The following EPM2A variants were observed in gnomAD, a reference collection of about 807,000 sequenced individuals.
The protein encoded by EPM2A is laforin.
In EPM2A, 21 loss-of-function variants were observed where a neutral mutation model predicts 26.5. The ratio of observed to expected loss-of-function variants is 0.79; its 90% CI spans 0.56 to 1.14. The LOEUF (loss-of-function observed/expected upper bound fraction) is 1.14. EPM2A is among the 50% of genes most tolerant of loss of function. The pLI, the probability that EPM2A is intolerant of heterozygous loss-of-function variation, is 0.00. For missense variants in EPM2A, 458 were observed against 440.8 expected (o/e 1.04, Z -0.35); for synonymous variants, 217 against 177.6 (o/e 1.22, Z -1.76).
At chr6:145,601,410 T>C (rs1461362946) in intron 2 of EPM2A, among the ~76,000 whole-genome samples, 1 of 152,140 alleles carries the variant, frequency 6.6e-6, no homozygotes, top group Non-Finnish European at 1.5e-5. Flanking sequence ...GTGGTGGTAG[T>C]AGTACAGCAG....
At chr6:145,567,323 A>G (rs765778767) in intron 2 of EPM2A, among the ~76,000 whole-genome samples, 1 of 152,290 alleles carries the variant, frequency 6.6e-6, no homozygotes, top group Non-Finnish European at 1.5e-5. Flanking sequence ...TATTTTTTAT[A>G]CTGTCTTAGC....
chr6:145,570,553 A>G (rs1467839345), intron 2 of EPM2A, among the ~76,000 whole-genome samples: 1 of 152,234 alleles, frequency 6.6e-6, no homozygotes, highest in African/African-American at 2.4e-5. Context: ...GGAAATACTC[A>G]TGACAGTTAC....
intron 2 of EPM2A, among the ~76,000 whole-genome samples, chr6:145,673,991 G>C (rs1309580731): frequency 6.6e-6 from 1 of 152,198 alleles, no homozygotes; most frequent in Non-Finnish European, 1.5e-5. Context: ...CTCCTCAAGT[G>C]GGTCCCCAAC....
chr6:145,658,555 T>C (rs1778456689), intron 2 of EPM2A, among the ~76,000 whole-genome samples: 1 of 152,214 alleles, frequency 6.6e-6, no homozygotes, highest in Non-Finnish European at 1.5e-5. Context: ...TATTCTGTAA[T>C]AGCATAGTTC....
At chr6:145,713,971 C>A (rs887324537) in intron 1 of EPM2A, among the ~76,000 whole-genome samples, 1 of 152,106 alleles carries the variant, frequency 6.6e-6, no homozygotes, top group Non-Finnish European at 1.5e-5. Flanking sequence ...GTGAAAGCAG[C>A]CAGTTACAAA....
intron 1 of EPM2A, chr6:145,705,770 A>G (rs1044854746): frequency 2.4e-6 from 1 of 423,530 alleles, no homozygotes; most frequent in Admixed American, 2.6e-5. Context: ...CTCATATTTT[A>G]CTGGCCAAAG....
intron 2 of EPM2A, among the ~76,000 whole-genome samples, chr6:145,615,800 C>T (rs1053777525): frequency 2.9e-4 from 44 of 151,894 alleles, no homozygotes; most frequent in African/African-American, 8.7e-4. Context: ...TGCCCCTCCC[C>T]GAGAGATTTA....
intron 2 of EPM2A, chr6:145,635,836 T>G (rs1315124145): frequency 4.9e-6 from 1 of 203,164 alleles, no homozygotes; most frequent in South Asian, 9.4e-5. Flanking sequence ...GCTAACAAAT[T>G]AGAGGTGAAA....
intron 4 of EPM2A, among the ~76,000 whole-genome samples, chr6:145,470,496 A>G (rs913054411): frequency 2.0e-5 from 3 of 152,138 alleles, no homozygotes; most frequent in Non-Finnish European, 4.4e-5. Flanking sequence ...TTAATATTCC[A>G]TTTAAAATTG....
At chr6:145,387,828 G>A (rs1778283429) in intron 4 of EPM2A, among the ~76,000 whole-genome samples, 2 of 151,972 alleles carry the variant, frequency 1.3e-5, no homozygotes, top group South Asian at 4.2e-4. Context: ...TGTGTTCCTG[G>A]AACCAAGTGC....
rs561146837 is a variant in EPM2A, at chr6:145,524,244, A to G, written c.341-21669T>C. 1.9e-4 allele frequency among the ~76,000 whole-genome samples: 29 copies of G among 152,298 alleles called. 2 individuals are homozygous for G. The South Asian group carries it at 5.8e-3, about 30-fold the overall frequency. Reference sequence around the variant, plus strand: ...TATAGTGGATAGTGCTGCAATGAACATATGAGTGTATGTGTCTTTTGGTAG... The same window carrying G: ...TATAGTGGATAGTGCTGCAATGAACGTATGAGTGTATGTGTCTTTTGGTAG... On this transcript the variant is annotated intron_variant, in intron 2 of 3. Coordinates refer to the EPM2A transcript ENST00000450221.
intron 4 of EPM2A, among the ~76,000 whole-genome samples, chr6:145,392,772 C>A (rs1372377337): frequency 6.6e-6 from 1 of 152,028 alleles, no homozygotes; most frequent in African/African-American, 2.4e-5. Context: ...CAGATGTTAG[C>A]GGGACTATTT....
At position 145,564,722 on chromosome 6, in the gene EPM2A, A is replaced by G. The variant is rs1780854843; in HGVS notation, c.341-62147T>C. 2.9e-5 allele frequency among the ~76,000 whole-genome samples: 4 copies of G among 139,092 alleles called. No homozygotes were observed. In the South Asian group the frequency reaches 9.9e-4, roughly 34 times the overall value. 91.2% of individuals were successfully genotyped at this position (139,092 alleles called of 152,430 possible). ...GCCTTCTGCTTATTTAATTTAACTCACATGCAGATATGTATGAGTACACAC... is the reference window on the plus strand; with the variant it reads ...GCCTTCTGCTTATTTAATTTAACTCGCATGCAGATATGTATGAGTACACAC... On this transcript the variant is annotated intron_variant, in intron 2 of 3. Coordinates refer to the EPM2A transcript ENST00000450221.
At chr6:145,671,256 T>C (rs565508826) in intron 2 of EPM2A, 15 of 1,051,628 alleles carry the variant, frequency 1.4e-5, no homozygotes, top group African/African-American at 3.4e-5. Context: ...AAATCATTTA[T>C]ATACTGGCCA....
intron 2 of EPM2A, chr6:145,640,456 A>G (rs1777007333): frequency 6.6e-6 from 1 of 152,136 alleles, no homozygotes; most frequent in Non-Finnish European, 1.5e-5. Flanking sequence ...ACACCTAAAG[A>G]CTCCAACTGT....
At chr6:145,517,501 G>A (rs1780145103) in intron 2 of EPM2A, among the ~76,000 whole-genome samples, 1 of 152,136 alleles carries the variant, frequency 6.6e-6, no homozygotes, top group African/African-American at 2.4e-5. Flanking sequence ...GAGTTGCTCA[G>A]ATGTGACTTT....
chr6:145,618,917 G>C (rs142544777), intron 2 of EPM2A, among the ~76,000 whole-genome samples: 53 of 152,328 alleles, frequency 3.5e-4, no homozygotes, highest in Non-Finnish European at 6.5e-4. Context: ...GATCTTGAAA[G>C]GGGTAAGGAT....
At chr6:145,510,601 G>A (rs1164103389) in intron 2 of EPM2A, among the ~76,000 whole-genome samples, 1 of 151,950 alleles carries the variant, frequency 6.6e-6, no homozygotes, top group Non-Finnish European at 1.5e-5. Context: ...AGTGTTTAAG[G>A]GGAATATTTA....
intron 2 of EPM2A, among the ~76,000 whole-genome samples, chr6:145,580,461 A>G (rs1781097858): frequency 1.3e-5 from 2 of 151,742 alleles, no homozygotes; most frequent in Non-Finnish European, 1.5e-5. Context: ...TATTTTTACT[A>G]TATCTGAATT....
Sources: allele counts gnomAD v4.1 joint callset (sites outside exome capture counted in the v4.1 genomes callset), GRCh38; gene constraint gnomAD v4.1.1; transcripts MANE v1.5; gene names NCBI Gene and HGNC (gene_info 2026-07-23, HGNC 2026-07-21).